The following WDFY3 variants were observed in gnomAD, a reference collection of about 807,000 sequenced individuals.
WDFY3 encodes the protein WD repeat and FYVE domain-containing protein 3.
WDFY3 carries 66 observed loss-of-function variants against 409.6 expected under a neutral mutation model. The observed-to-expected ratio is 0.16, with a 90% CI of 0.13 to 0.20. The LOEUF is 0.20. Among genes scored for constraint, WDFY3 ranks in the 10% least tolerant of loss-of-function variants. The pLI, the probability that WDFY3 is intolerant of heterozygous loss-of-function variation, is 1.00. For missense variants in WDFY3, 3,031 were observed against 4,298.1 expected, an observed-to-expected ratio of 0.71 and a Z score of 8.24; for synonymous variants, 1,521 against 1,537.1, an observed-to-expected ratio of 0.99 and a Z score of 0.25.
intron 46 of WDFY3, among the ~76,000 whole-genome samples, chr4:84,723,071 T>C (rs897760364): frequency 6.6e-6 from 1 of 152,218 alleles, no homozygotes; most frequent in African/African-American, 2.4e-5. Context: ...TAAAAGCCAA[T>C]GACCTAAACA....
intron 2 of WDFY3, among the ~76,000 whole-genome samples, chr4:84,916,040 G>C (rs1187428677): frequency 1.3e-5 from 2 of 152,102 alleles, no homozygotes; most frequent in Admixed American, 1.3e-4. Context: ...ATATTTAGGG[G>C]TAAGTATTAA....
rs546262000 is a variant in WDFY3 at position 84,771,108 on chromosome 4, T to C, written c.4849+1727A>G. On this transcript the variant is annotated intron_variant, in intron 30 of 67. Coordinates refer to ENST00000295888, the MANE Select transcript of WDFY3 (RefSeq NM_014991.6). Reference sequence around the variant, plus strand: ...GAATTCAATGGACAGCAAATAAATATGGAAACCAGATAAATATTTTTCCCA... The same window carrying C: ...GAATTCAATGGACAGCAAATAAATACGGAAACCAGATAAATATTTTTCCCA... Among the ~76,000 whole-genome samples the C allele has an allele frequency of 4.6e-5, 7 of 152,270 alleles. No homozygotes were observed. In the South Asian group the frequency reaches 1.5e-3, roughly 32 times the overall value.
chr4:84,804,802 TA>T (rs1390858508), intron 15 of WDFY3, among the ~76,000 whole-genome samples: 1 of 152,158 alleles, frequency 6.6e-6, no homozygotes, highest in African/African-American at 2.4e-5. Flanking sequence ...CACATACGCA[TA>T]GATTCTAATT....
chr4:84,786,188 TA>T, intron 23 of WDFY3, 49 bp from the exon 24 acceptor site: 1 of 1,518,348 alleles, frequency 6.6e-7, no homozygotes, highest in Admixed American at 2.4e-5. Context: ...GTTCTCATCT[TA>T]AAGTAAGTTT....
chr4:84,801,837 C>A lies in WDFY3; in HGVS notation c.2635G>T (p.Ala879Ser), dbSNP rs868278221. ...EHALDLQLAV[A>S]NILQSLVHTE... ...TGCACCAGGGATTGTAAAATATTTG[C>A]CACGGCAAGTTGAAGATCCAAAGCA... The change falls in exon 17 of 68, where the codon GCA becomes TCA. Residue 879 changes from alanine (A) to serine (S), a missense_variant. Around this residue, in one of 16 missense-constraint regions of WDFY3, gnomAD observed 1,322 missense variants for 1,697.9 expected, o/e 0.78. Transcript: ENST00000295888. 1 of 1,614,062 alleles carries A rather than the reference C, an allele frequency of 6.2e-7. No individual in the cohort carries two copies. The highest frequency in any genetic ancestry group is 1.1e-5 in the South Asian group (1 of 91,066).
intron 6 of WDFY3, among the ~76,000 whole-genome samples, chr4:84,840,636 G>A (rs998014942): frequency 2.6e-5 from 4 of 152,130 alleles, no homozygotes; most frequent in African/African-American, 9.6e-5. Flanking sequence ...AGGCTGGAGT[G>A]GTGTCATTAT....
intron 65 of WDFY3, 126 bp from the exon 66 acceptor site, chr4:84,678,405 G>C: frequency 1.6e-6 from 1 of 632,846 alleles, no homozygotes; most frequent in South Asian, 2.0e-5. Flanking sequence ...AGCTTTTCCA[G>C]TTCTCGGCAG....
intron 2 of WDFY3, among the ~76,000 whole-genome samples, chr4:84,900,211 A>G (rs1175980934): frequency 6.6e-6 from 1 of 152,160 alleles, no homozygotes. Context: ...GTGCACCCAT[A>G]CAACTCAACA....
intron 51 of WDFY3, among the ~76,000 whole-genome samples, chr4:84,712,812 G>C (rs982735217): frequency 6.6e-6 from 1 of 152,104 alleles, no homozygotes; most frequent in African/African-American, 2.4e-5. Context: ...GCGAATAATA[G>C]TTATGTTTCT....
chr4:84,762,076 C>T (rs1273158644), intron 32 of WDFY3, among the ~76,000 whole-genome samples: 1 of 152,094 alleles, frequency 6.6e-6, no homozygotes, highest in Non-Finnish European at 1.5e-5. Context: ...GGATCTAGAA[C>T]TAGAAATACC....
chr4:84,860,355 A>G, intron 4 of WDFY3, 57 bp downstream of exon 4: 3 of 1,529,922 alleles, frequency 2.0e-6, no homozygotes, highest in Non-Finnish European at 2.7e-6. Flanking sequence ...AGTAACCTTC[A>G]GATTCTTGTA....
intron 37 of WDFY3, among the ~76,000 whole-genome samples, chr4:84,742,766 C>T (rs1359520406): frequency 5.3e-5 from 8 of 152,124 alleles, no homozygotes; most frequent in African/African-American, 1.4e-4. Flanking sequence ...ATCGCAAAAC[C>T]GTAATCCCCC....
At chr4:84,808,180 A>G (rs1751839815) in intron 15 of WDFY3, among the ~76,000 whole-genome samples, 154 bp downstream of exon 15, 1 of 152,036 alleles carries the variant, frequency 6.6e-6, no homozygotes, top group Admixed American at 6.6e-5. Context: ...TAAAATCTAA[A>G]AACACCCCCC....
intron 51 of WDFY3, among the ~76,000 whole-genome samples, chr4:84,711,978 C>T (rs1164096083): frequency 1.3e-5 from 2 of 151,888 alleles, no homozygotes; most frequent in Non-Finnish European, 2.9e-5. Context: ...TATCAAGAGC[C>T]TTAAAATTCC....
intron 16 of WDFY3, among the ~76,000 whole-genome samples, chr4:84,803,054 C>A (rs1750892616): frequency 6.6e-6 from 1 of 152,138 alleles, no homozygotes; most frequent in Admixed American, 6.5e-5. Context: ...TATTCTAGCA[C>A]CAGAAGAAGC....
At chr4:84,760,141 C>A (rs963643711) in intron 32 of WDFY3, among the ~76,000 whole-genome samples, 7 of 151,630 alleles carry the variant, frequency 4.6e-5, no homozygotes, top group African/African-American at 1.7e-4. Context: ...GCCTTGCATC[C>A]CAGGGATGAA....
At chr4:84,833,847 A>C (rs967618835) in intron 7 of WDFY3, among the ~76,000 whole-genome samples, 2 of 152,184 alleles carry the variant, frequency 1.3e-5, no homozygotes, top group African/African-American at 4.8e-5. Flanking sequence ...TTGCTTAGAT[A>C]TAAAAGCTTT....
intron 22 of WDFY3, among the ~76,000 whole-genome samples, chr4:84,788,983 GCACTC>G: frequency 6.6e-6 from 1 of 152,208 alleles, no homozygotes; most frequent in South Asian, 2.1e-4. Flanking sequence ...TCGTGCCACT[GCACTC>G]CAGCCTGGGC....
chr4:84,798,056 G>GT lies in WDFY3; in HGVS notation c.2874dup (p.Leu959ThrfsTer6), dbSNP rs1312762788. The GT allele has an allele frequency of 6.2e-7, 1 of 1,613,614 alleles. No individual in the cohort carries two copies. The highest frequency in any genetic ancestry group is 1.1e-5 in the South Asian group (1 of 91,036). ...TTGTGGACCCTATATTGTTTTAGCA[G>GT]TTTTTTGTCCCAGGCACCACAATTT... On this transcript the variant is annotated frameshift_variant, in exon 18 of 68. Coordinates refer to ENST00000295888, the MANE Select transcript of WDFY3 (RefSeq NM_014991.6). LOFTEE classifies it high-confidence loss of function.
Sources: gnomAD v4.1 joint callset for allele counts (sites outside exome capture counted in the v4.1 genomes callset) on GRCh38, gnomAD v4.1.1 for gene constraint, gnomAD v4.1.1 regional missense constraint, MANE v1.5 for transcripts, NCBI Gene and HGNC (gene_info 2026-07-23, HGNC 2026-07-21) for gene names.